Variants in COL4A1 observed in about 807,000 individuals in gnomAD.
COL4A1 encodes the protein collagen alpha-1(IV) chain.
COL4A1 carries 40 observed loss-of-function variants against 216.6 expected under a neutral mutation model. The observed-to-expected ratio is 0.18, with a 90% CI of 0.14 to 0.24. COL4A1 has a LOEUF of 0.24. COL4A1 is among the 10% of genes least tolerant of loss of function. COL4A1 has a pLI of 1.00. For synonymous variants in COL4A1, 839 were observed against 810.7 expected (o/e 1.03, Z -0.59); for missense variants, 1,628 against 2,196.8 (o/e 0.74, Z 5.18).
intron 1 of COL4A1, among the ~76,000 whole-genome samples, chr13:110,296,522 A>G (rs182740701): frequency 1.5e-3 from 222 of 152,366 alleles, no homozygotes; most frequent in Non-Finnish European, 2.3e-3. Flanking sequence ...TGAAGATACA[A>G]AGAGGCACAA....
intron 28 of COL4A1, 70 bp downstream of exon 28, chr13:110,182,923 T>A: frequency 7.0e-7 from 1 of 1,436,250 alleles, no homozygotes; most frequent in Non-Finnish European, 9.6e-7. Context: ...TGTTTTGATG[T>A]CTACCACCTC....
In COL4A1 at chr13:110,152,284, A is replaced by C. The variant is rs564488164; in HGVS notation, c.4928+50T>G. The C allele has an allele frequency of 2.5e-6, 4 of 1,610,738 alleles. No homozygotes were observed. In the African/African-American group the frequency reaches 5.3e-5, roughly 22 times the overall value. On this transcript the variant is annotated intron_variant, in intron 51 of 51. Transcript: ENST00000375820. ...TACGGATCGCGGATGATTAAAAAATAAAGTCACAAAGGGGCCAGCAGCCTG... is the reference window on the plus strand; with the variant it reads ...TACGGATCGCGGATGATTAAAAAATCAAGTCACAAAGGGGCCAGCAGCCTG...
At chr13:110,290,745 G>T (rs1884049526) in intron 1 of COL4A1, among the ~76,000 whole-genome samples, 1 of 152,244 alleles carries the variant, frequency 6.6e-6, no homozygotes, top group Non-Finnish European at 1.5e-5. Context: ...AGCAAGTGGG[G>T]ACTGGAAAAG....
chr13:110,301,638 A>G (rs980324009), intron 1 of COL4A1, among the ~76,000 whole-genome samples: 8 of 152,186 alleles, frequency 5.3e-5, no homozygotes, highest in African/African-American at 1.7e-4. Context: ...TCGAGAGGGG[A>G]TCACGTGGAA....
At chr13:110,181,739 G>T (rs1650177203) in intron 28 of COL4A1, among the ~76,000 whole-genome samples, 2 of 152,122 alleles carry the variant, frequency 1.3e-5, no homozygotes, top group African/African-American at 4.8e-5. Context: ...CTCAAGGTGT[G>T]GTTGGGGGGG....
At chr13:110,209,058 C>G (rs1302823884) in intron 11 of COL4A1, among the ~76,000 whole-genome samples, 168 bp from the exon 12 acceptor site, 2 of 152,096 alleles carry the variant, frequency 1.3e-5, no homozygotes, top group Non-Finnish European at 2.9e-5. Flanking sequence ...AATTCAATGT[C>G]TATGAAAAAG....
At chr13:110,219,868 G>GTA (rs1277407047) in intron 2 of COL4A1, among the ~76,000 whole-genome samples, 1 of 101,220 alleles carries the variant, frequency 9.9e-6, no homozygotes, top group African/African-American at 3.9e-5. Context: ...ATATATGTGT[G>GTA]TGTATATATG....
At chr13:110,200,197 T>C (rs987348082) in intron 20 of COL4A1, among the ~76,000 whole-genome samples, 1 of 152,262 alleles carries the variant, frequency 6.6e-6, no homozygotes, top group Non-Finnish European at 1.5e-5. Context: ...GGGTCAGCTC[T>C]GGGACCTGGG....
At chr13:110,176,844 T>C (rs1225419136) in intron 34 of COL4A1, 41 bp downstream of exon 34, 4 of 1,613,978 alleles carry the variant, frequency 2.5e-6, no homozygotes, top group Non-Finnish European at 3.4e-6. Flanking sequence ...AAAGGCACAT[T>C]GTGGTTCCGA....
chr13:110,275,392 C>A (rs776257870), intron 1 of COL4A1, among the ~76,000 whole-genome samples: 6 of 152,156 alleles, frequency 3.9e-5, no homozygotes, highest in Admixed American at 3.3e-4. Context: ...AAACCCAGAA[C>A]AGTGACAATA....
intron 40 of COL4A1, 22 bp downstream of exon 40, chr13:110,173,878 G>A (rs747352001): frequency 6.2e-7 from 1 of 1,613,794 alleles, no homozygotes; most frequent in South Asian, 1.1e-5. Context: ...ATTCTGATAG[G>A]GAATGGGGCG....
chr13:110,160,856 A>C (rs1877049583), intron 49 of COL4A1, among the ~76,000 whole-genome samples: 1 of 152,110 alleles, frequency 6.6e-6, no homozygotes, highest in South Asian at 2.1e-4. Flanking sequence ...CCACAGGCTC[A>C]CACCACCACG....
intron 1 of COL4A1, among the ~76,000 whole-genome samples, chr13:110,289,501 G>T (rs781323219): frequency 9.9e-5 from 15 of 152,070 alleles, no homozygotes; most frequent in Non-Finnish European, 2.1e-4. Context: ...TACCTTCTCA[G>T]GAAGCTCTTT....
At chr13:110,223,812 C>A (rs1303422003) in intron 2 of COL4A1, among the ~76,000 whole-genome samples, 3 of 152,084 alleles carry the variant, frequency 2.0e-5, no homozygotes, top group African/African-American at 7.2e-5. Context: ...TGGGTGACAC[C>A]CCAAGGATGG....
intron 24 of COL4A1, chr13:110,191,734 C>T (rs1878637868): frequency 1.6e-6 from 1 of 639,572 alleles, no homozygotes; most frequent in East Asian, 2.7e-5. Context: ...GCAAACAGAT[C>T]TGCTTTCCTT....
intron 1 of COL4A1, among the ~76,000 whole-genome samples, chr13:110,252,639 C>CAA (rs71127925): frequency 0.95 from 93,146 of 97,826 alleles, 44,875 homozygotes; most frequent in East Asian, 1. Context: ...ATTATATATA[C>CAA]TTATATACAA....
intron 2 of COL4A1, among the ~76,000 whole-genome samples, chr13:110,222,353 A>G (rs1048020280): frequency 6.6e-6 from 1 of 152,190 alleles, no homozygotes; most frequent in African/African-American, 2.4e-5. Flanking sequence ...CGGAGGAACC[A>G]ACGGCCTCAA....
At chr13:110,169,525 C>CACACACACATAT in intron 43 of COL4A1, 104 bp downstream of exon 43, 1 of 1,501,640 alleles carries the variant, frequency 6.7e-7, no homozygotes, top group Non-Finnish European at 9.0e-7. Context: ...CACACACACA[C>CACACACACATAT]ATATATATAC....
intron 2 of COL4A1, among the ~76,000 whole-genome samples, chr13:110,235,437 T>C (rs895428569): frequency 3.3e-5 from 5 of 151,958 alleles, no homozygotes; most frequent in African/African-American, 1.2e-4. Context: ...GATCACAAGG[T>C]CAGGAGATCG....
Sources: gnomAD v4.1 joint callset for allele counts (sites outside exome capture counted in the v4.1 genomes callset) on GRCh38, gnomAD v4.1.1 for gene constraint, MANE v1.5 for transcripts, NCBI Gene and HGNC (gene_info 2026-07-23, HGNC 2026-07-21) for gene names.